LAMC1: variants seen among roughly 807,000 people sequenced by gnomAD.
LAMC1 encodes laminin subunit gamma 1, also known as laminin subunit gamma-1.
A neutral mutation model predicts 173.6 loss-of-function variants in LAMC1; 38 were observed. The ratio of observed to expected loss-of-function variants is 0.22; its 90% CI spans 0.17 to 0.29. The LOEUF is 0.29. LAMC1 is among the 10% of genes least tolerant of loss of function. LAMC1 has a pLI of 1.00. For missense variants in LAMC1, 1,824 were observed against 2,051.8 expected (o/e 0.89, Z 2.14); for synonymous variants, 746 against 749.1 (o/e 1.00, Z 0.07).
At chr1:183,034,070 T>G (rs903267596) in intron 1 of LAMC1, among the ~76,000 whole-genome samples, 2 of 151,838 alleles carry the variant, frequency 1.3e-5, no homozygotes, top group Non-Finnish European at 2.9e-5. Context: ...TGAGATGAGC[T>G]TATTGCATTT....
intron 1 of LAMC1, among the ~76,000 whole-genome samples, chr1:183,069,739 G>A (rs965182191): frequency 3.3e-5 from 5 of 152,190 alleles, no homozygotes; most frequent in African/African-American, 7.2e-5. Flanking sequence ...AAGGAGCATC[G>A]GCTGAGTCTG....
chr1:183,132,334 C>A, intron 20 of LAMC1, 66 bp from the exon 21 acceptor site: 1 of 1,139,252 alleles, frequency 8.8e-7, no homozygotes, highest in Non-Finnish European at 1.3e-6. Context: ...TAAGCATTAC[C>A]TGAATTTTAC....
chr1:183,128,485 AG>A, intron 17 of LAMC1, 108 bp from the exon 18 acceptor site: 3 of 728,624 alleles, frequency 4.1e-6, no homozygotes, highest in East Asian at 2.9e-5. Flanking sequence ...AAAAAAAAAA[AG>A]AACTACATAT....
chr1:183,042,800 C>T (rs1025223207), intron 1 of LAMC1, among the ~76,000 whole-genome samples: 4 of 152,162 alleles, frequency 2.6e-5, no homozygotes, highest in Admixed American at 6.5e-5. Context: ...CATTTTCACA[C>T]CCCCAGCCCT....
Position 183,134,671 on chromosome 1 carries a change from T to A in LAMC1, c.3861T>A (p.Asn1287Lys). 3 of 1,610,066 alleles carry A rather than the reference T, an allele frequency of 1.9e-6. No individual in the cohort carries two copies. The highest frequency in any genetic ancestry group is 2.5e-6 in the Non-Finnish European group (3 of 1,178,898). The change falls in exon 23 of 28, where the codon AAT becomes AAA. Residue 1287 changes from asparagine (N) to lysine (K), a missense_variant. Transcript: ENST00000258341. ...LDSETLENEA[N>K]NIKMEAENLE... ...CTTGCTTTTCACAGAATGAAGCAAA[T>A]AACATAAAGATGGAAGCTGAGAATC...
intron 1 of LAMC1, among the ~76,000 whole-genome samples, chr1:183,064,603 T>A (rs1233195595): frequency 6.6e-6 from 1 of 152,144 alleles, no homozygotes; most frequent in Non-Finnish European, 1.5e-5. Context: ...GTGGCCGTAG[T>A]GGTGTTGGGT....
intron 6 of LAMC1, among the ~76,000 whole-genome samples, chr1:183,116,366 A>G (rs532709075): frequency 2.6e-5 from 4 of 151,766 alleles, no homozygotes; most frequent in Admixed American, 2.0e-4. Context: ...AGTCCCAGCT[A>G]CTCAGGAGGC....
At chr1:183,138,138 TAAA>T in intron 26 of LAMC1, 1 of 664,376 alleles carries the variant, frequency 1.5e-6, no homozygotes. Context: ...TAAATGTTAA[TAAA>T]AAAGGAATGC....
rs1657160731 is a variant in LAMC1 at position 183,143,067 on chromosome 1, T to A, written c.*277T>A. On this transcript the variant is annotated 3_prime_UTR_variant, in exon 28 of 28. Transcript: ENST00000258341. ...TGATTTGCGTGAGGACGTGGCATCC[T>A]ACGTTACTGTACAGTGGCATAAGCA... 1 of 365,530 alleles carries A rather than the reference T, an allele frequency of 2.7e-6. No homozygotes were observed. The highest frequency in any genetic ancestry group is 5.1e-6 in the Non-Finnish European group (1 of 196,568). The allele number at this position is 365,530 out of a possible 1,614,324, so 22.6% of individuals were successfully genotyped here.
At position 183,133,432 on chromosome 1, in the gene LAMC1, A is replaced by G. The variant is rs751861264; in HGVS notation, c.3731A>G (p.Gln1244Arg). ...RKYEQAKNIS[Q>R]DLEKQAARVH... ...TATGAACAAGCGAAGAACATCTCAC[A>G]GGATCTGGAAAAACAAGCTGCCCGA... Residue 1244 changes from glutamine to arginine, a missense_variant, in exon 22 of 28, where the codon CAG becomes CGG. Gln to Arg is a conservative substitution (Grantham distance 43). Transcript: ENST00000258341. The G allele has an allele frequency of 6.2e-7, 1 of 1,613,976 alleles. No homozygotes were observed. The highest frequency in any genetic ancestry group is 2.2e-5 in the East Asian group (1 of 44,874).
At chr1:183,027,551 A>T (rs1653721625) in intron 1 of LAMC1, among the ~76,000 whole-genome samples, 1 of 152,186 alleles carries the variant, frequency 6.6e-6, no homozygotes, top group Non-Finnish European at 1.5e-5. Context: ...TCTTTCTAAA[A>T]ACAATTAGAT....
chr1:183,136,036 G>T (rs1025578536), intron 24 of LAMC1, among the ~76,000 whole-genome samples: 2 of 152,112 alleles, frequency 1.3e-5, no homozygotes, highest in Admixed American at 6.5e-5. Context: ...CCTATTTTAT[G>T]TCAAAGACAC....
chr1:183,106,840 A>G (rs1469556962), intron 2 of LAMC1, among the ~76,000 whole-genome samples: 2 of 152,086 alleles, frequency 1.3e-5, no homozygotes. Context: ...AGCGGAAGTG[A>G]TCTGGGAGGG....
intron 1 of LAMC1, among the ~76,000 whole-genome samples, chr1:183,036,332 A>C (rs896306569): frequency 2.0e-5 from 3 of 148,864 alleles, no homozygotes; most frequent in South Asian, 2.1e-4. Flanking sequence ...ACTCCTGACT[A>C]GGTGAGCCAT....
chr1:183,100,176 C>T (rs564160588), intron 1 of LAMC1, among the ~76,000 whole-genome samples: 1 of 152,118 alleles, frequency 6.6e-6, no homozygotes, highest in Non-Finnish European at 1.5e-5. Context: ...CACTGAGGTC[C>T]ATTCATTTCT....
At position 183,126,262 on chromosome 1, in the gene LAMC1, C is replaced by T. The variant is rs750915578; in HGVS notation, c.2944C>T (p.Pro982Ser). The T allele has an allele frequency of 1.4e-5, 23 of 1,613,110 alleles. No individual in the cohort carries two copies. Among genetic ancestry groups the T allele is most frequent in the South Asian group, 2.2e-5 (2 of 90,838 alleles). The change falls in exon 16 of 28, where the codon CCC (proline) becomes TCC (serine). Residue 982 changes from proline (P) to serine (S), a missense_variant and splice_region_variant. Coordinates refer to ENST00000258341, the MANE Select transcript of LAMC1 (RefSeq NM_002293.4). Reference protein sequence around the residue: ...HFGFGPEGCKPCDCHPEGSLS... With the variant: ...HFGFGPEGCKSCDCHPEGSLS... ...TGGGTTTGGACCTGAAGGCTGCAAACGTAAGGGGTGTTGGTGGCATACAAC... is the reference window on the plus strand; with the variant it reads ...TGGGTTTGGACCTGAAGGCTGCAAATGTAAGGGGTGTTGGTGGCATACAAC...
At chr1:183,036,656 G>A (rs1653992950) in intron 1 of LAMC1, among the ~76,000 whole-genome samples, 1 of 152,274 alleles carries the variant, frequency 6.6e-6, no homozygotes, top group Non-Finnish European at 1.5e-5. Flanking sequence ...TTCCCAAAGT[G>A]CTGAGATTAC....
rs117408940 is a variant in LAMC1, at chr1:183,112,542, C to T, written c.1021+1888C>T. Among the ~76,000 whole-genome samples, 167 of 152,130 alleles carry T rather than the reference C, an allele frequency of 1.1e-3. 2 individuals carry two copies. In the East Asian group the frequency reaches 0.031, roughly 29 times the overall value. The stretch of plus-strand genomic sequence containing the variant: ...AGAGTGACATTTCTGGATGTTGTGA[C>T]AATACTACATTAATTGTCAGGATGC... On this transcript the variant is annotated intron_variant, in intron 4 of 27. Transcript: ENST00000258341.
intron 18 of LAMC1, 56 bp from the exon 19 acceptor site, chr1:183,130,288 A>G: frequency 1.4e-6 from 2 of 1,439,596 alleles, no homozygotes; most frequent in Non-Finnish European, 2.0e-6. Context: ...ATTTCATGTG[A>G]GATGATATGA....
Sources: allele counts gnomAD v4.1 joint callset (sites outside exome capture counted in the v4.1 genomes callset), GRCh38; gene constraint gnomAD v4.1.1; transcripts MANE v1.5; gene names NCBI Gene and HGNC (gene_info 2026-07-23, HGNC 2026-07-21).